The following WDPCP variants were observed in gnomAD, a reference collection of about 807,000 sequenced individuals.
WDPCP encodes WD repeat containing planar cell polarity effector.
In WDPCP, 71 loss-of-function variants were observed where a neutral mutation model predicts 93.1. The ratio of observed to expected loss-of-function variants is 0.76; its 90% CI spans 0.63 to 0.93. The LOEUF (loss-of-function observed/expected upper bound fraction) is 0.93, where lower values mean the gene tolerates loss of function less well. WDPCP is among the 40% of genes least tolerant of loss of function. The pLI, the probability that WDPCP is intolerant of heterozygous loss-of-function variation, is 0.00. For missense variants in WDPCP, 844 were observed against 887.4 expected (o/e 0.95, Z 0.62); for synonymous variants, 315 against 315.0 (o/e 1.00, Z 0.00).
chr2:63,259,306 C>G lies in WDPCP; in HGVS notation c.1915+1G>C. ...CACTTAAAAATAGCGTTAATTCTTACCAACCCCAGAGGTTATTGATTCTGC... is the reference window on the plus strand; with the variant it reads ...CACTTAAAAATAGCGTTAATTCTTAGCAACCCCAGAGGTTATTGATTCTGC... On this transcript the variant is annotated splice_donor_variant, in intron 14 of 17. Coordinates refer to ENST00000272321, the MANE Select transcript of WDPCP (RefSeq NM_015910.7). LOFTEE classifies it high-confidence loss of function. 6.2e-7 allele frequency: 1 copy of G among 1,611,922 alleles called. No homozygotes were observed. The highest frequency in any genetic ancestry group is 1.7e-5 in the Admixed American group (1 of 59,988).
rs543184826 is a variant in WDPCP, at chr2:63,322,768, G to A, written c.1749-9457C>T. On this transcript the variant is annotated intron_variant, in intron 12 of 17. Coordinates refer to ENST00000272321, the MANE Select transcript of WDPCP (RefSeq NM_015910.7). The stretch of plus-strand genomic sequence containing the variant: ...CCACCAATTCCAGACACATTTTGGC[G>A]ACCCAGATGGGACCATCGCCTATCG... Among the ~76,000 whole-genome samples, 10 of 151,726 alleles carry A rather than the reference G, an allele frequency of 6.6e-5. No homozygotes were observed. The South Asian group carries it at 1.5e-3, about 22-fold the overall frequency.
At chr2:63,679,677 C>T (rs1233522429) in intron 2 of WDPCP, among the ~76,000 whole-genome samples, 3 of 152,100 alleles carry the variant, frequency 2.0e-5, no homozygotes, top group African/African-American at 4.8e-5. Context: ...GCAGCTTCCA[C>T]GACCTCGTTA....
At chr2:63,349,609 G>GA (rs201880003) in intron 12 of WDPCP, among the ~76,000 whole-genome samples, 1,518 of 151,782 alleles carry the variant, frequency 0.01, 14 homozygotes, top group Non-Finnish European at 0.016. Flanking sequence ...ATCCTCTGGG[G>GA]AAAAAAAACC....
chr2:63,466,229 G>C (rs1410491323), intron 6 of WDPCP, among the ~76,000 whole-genome samples: 1 of 151,894 alleles, frequency 6.6e-6, no homozygotes, highest in Non-Finnish European at 1.5e-5. Context: ...ACTATTTTAT[G>C]AGTAGTTATA....
intron 2 of WDPCP, among the ~76,000 whole-genome samples, chr2:63,671,289 G>T (rs1228721848): frequency 1.3e-5 from 2 of 152,142 alleles, no homozygotes; most frequent in Non-Finnish European, 2.9e-5. Context: ...GCTGCTCCTA[G>T]CCAATGACAA....
At chr2:63,738,188 C>A (rs1669665307) in intron 2 of WDPCP, among the ~76,000 whole-genome samples, 1 of 152,058 alleles carries the variant, frequency 6.6e-6, no homozygotes, top group Non-Finnish European at 1.5e-5. Flanking sequence ...TTATTCATTT[C>A]TATTACTAAC....
At chr2:63,266,736 G>A (rs545311979) in intron 13 of WDPCP, among the ~76,000 whole-genome samples, 2 of 152,250 alleles carry the variant, frequency 1.3e-5, no homozygotes, top group East Asian at 1.9e-4. Flanking sequence ...AACTCGGGGG[G>A]TGGAGGCTGC....
At chr2:63,373,294 T>C (rs1352796011) in intron 12 of WDPCP, among the ~76,000 whole-genome samples, 1 of 150,550 alleles carries the variant, frequency 6.6e-6, no homozygotes, top group African/African-American at 2.4e-5. Flanking sequence ...TCTTGCTCTG[T>C]CGCCCAGTGC....
At chr2:63,758,722 G>C (rs971615757) in intron 2 of WDPCP, among the ~76,000 whole-genome samples, 1 of 152,082 alleles carries the variant, frequency 6.6e-6, no homozygotes, top group Non-Finnish European at 1.5e-5. Flanking sequence ...TTACAGGCAT[G>C]AGCCACTGCG....
At chr2:63,536,773 C>CTTTTTTTTTTT (rs58661370) in intron 1 of WDPCP, among the ~76,000 whole-genome samples, 1,284 of 93,190 alleles carry the variant, frequency 0.014, 14 homozygotes, top group East Asian at 0.022. Flanking sequence ...ATTCTTCATG[C>CTTTTTTTTTTT]TTTTTTTTTT....
intron 2 of WDPCP, among the ~76,000 whole-genome samples, chr2:63,724,654 T>C (rs996680340): frequency 6.6e-6 from 1 of 152,082 alleles, no homozygotes; most frequent in African/African-American, 2.4e-5. Flanking sequence ...AATTTAAGAG[T>C]GGGTCAAACC....
At chr2:63,267,152 TAGAA>T (rs1180325048) in intron 13 of WDPCP, among the ~76,000 whole-genome samples, 3 of 152,090 alleles carry the variant, frequency 2.0e-5, no homozygotes, top group Non-Finnish European at 4.4e-5. Context: ...TGGTACAAGA[TAGAA>T]AGCCCAGATA....
chr2:63,813,835 C>A (rs1670892599), intron 1 of WDPCP: 1 of 152,100 alleles, frequency 6.6e-6, no homozygotes, highest in Non-Finnish European at 1.5e-5. Flanking sequence ...TATTCCATAT[C>A]ATAGATACGT....
At chr2:63,546,930 A>G (rs1323367045) in intron 1 of WDPCP, among the ~76,000 whole-genome samples, 1 of 152,104 alleles carries the variant, frequency 6.6e-6, no homozygotes, top group Non-Finnish European at 1.5e-5. Context: ...AAAAAAGACA[A>G]AAGATTTCTG....
chr2:63,711,756 G>C (rs998223658), intron 2 of WDPCP, among the ~76,000 whole-genome samples: 1 of 152,298 alleles, frequency 6.6e-6, no homozygotes, highest in South Asian at 2.1e-4. Context: ...GCAAGACACA[G>C]TTCTTAAAAC....
chr2:63,452,314 C>A (rs1698309743), intron 6 of WDPCP, among the ~76,000 whole-genome samples: 2 of 152,064 alleles, frequency 1.3e-5, no homozygotes, highest in South Asian at 4.1e-4. Flanking sequence ...AAAGAGAGAG[C>A]CAAATCACGA....
At chr2:63,398,911 A>T (rs1353630313) in intron 10 of WDPCP, among the ~76,000 whole-genome samples, 1 of 152,120 alleles carries the variant, frequency 6.6e-6, no homozygotes, top group Non-Finnish European at 1.5e-5. Context: ...AAGTATATTA[A>T]TTTTTTTGGA....
At chr2:63,320,452 C>A (rs1308813225) in intron 12 of WDPCP, among the ~76,000 whole-genome samples, 1 of 152,112 alleles carries the variant, frequency 6.6e-6, no homozygotes, top group Non-Finnish European at 1.5e-5. Context: ...TTAATATACA[C>A]TAGTCTGTTG....
intron 12 of WDPCP, among the ~76,000 whole-genome samples, chr2:63,373,441 A>T: frequency 6.6e-6 from 1 of 151,650 alleles, no homozygotes; most frequent in African/African-American, 2.4e-5. Context: ...CGTTTTGTAG[A>T]GACGGGGTCT....
Sources: gnomAD v4.1 joint callset for allele counts (sites outside exome capture counted in the v4.1 genomes callset) on GRCh38, gnomAD v4.1.1 for gene constraint, MANE v1.5 for transcripts, NCBI Gene and HGNC (gene_info 2026-07-23, HGNC 2026-07-21) for gene names.